Variants in CFAP96 observed in about 807,000 individuals in gnomAD.
CFAP96 encodes the protein cilia and flagella associated protein 96, also known as cilia-and flagella-associated protein 96.
chr4:185,433,473 G>A, the CFAP96 span, among the ~76,000 whole-genome samples: 2 of 150,736 alleles, frequency 1.3e-5, no homozygotes, highest in African/African-American at 2.4e-5. Context: ...TTATTAATTT[G>A]ATAGATGATA....
the CFAP96 span, among the ~76,000 whole-genome samples, chr4:185,430,075 G>C: frequency 2.6e-5 from 4 of 152,182 alleles, no homozygotes; most frequent in Non-Finnish European, 4.4e-5. Flanking sequence ...GTGCCTGGCA[G>C]TTTTCTCCCA....
chr4:185,414,474 G>GT, the CFAP96 span, among the ~76,000 whole-genome samples: 1 of 152,146 alleles, frequency 6.6e-6, no homozygotes, highest in Non-Finnish European at 1.5e-5. Flanking sequence ...TACTCCAGTG[G>GT]TTTTAAAAGA....
At chr4:185,443,923 T>C in the CFAP96 span, among the ~76,000 whole-genome samples, 2 of 1,490 alleles carry the variant, frequency 1.3e-3, no homozygotes, top group African/African-American at 2.4e-3. Context: ...ATATCTTTCT[T>C]TTTTTTTTTT....
the CFAP96 span, among the ~76,000 whole-genome samples, chr4:185,439,111 T>C: frequency 1.3e-5 from 2 of 152,190 alleles, no homozygotes; most frequent in Non-Finnish European, 2.9e-5. Flanking sequence ...ATCACATGCA[T>C]GAGAATCACT....
chr4:185,422,480 C>A, the CFAP96 span: 1 of 1,603,700 alleles, frequency 6.2e-7, no homozygotes. Context: ...TTTCAGAAGA[C>A]CTACCATTAG....
the CFAP96 span, chr4:185,429,422 A>G: frequency 6.5e-7 from 1 of 1,534,018 alleles, no homozygotes. Context: ...ATGCCTGCGG[A>G]AGGAGGAAAA....
chr4:185,428,383 G>C, the CFAP96 span, among the ~76,000 whole-genome samples: 5 of 152,048 alleles, frequency 3.3e-5, no homozygotes, highest in Non-Finnish European at 1.5e-5. Context: ...AGACCAGCCT[G>C]GCCAACATAG....
chr4:185,428,104 G>T, the CFAP96 span, among the ~76,000 whole-genome samples: 2 of 149,656 alleles, frequency 1.3e-5, no homozygotes, highest in South Asian at 2.1e-4. Context: ...AAAAAAAAAT[G>T]GTTCTTACTT....
the CFAP96 span, chr4:185,432,087 T>C: frequency 6.4e-7 from 1 of 1,551,704 alleles, no homozygotes. Flanking sequence ...TTTGTAAGGA[T>C]TTTTGAAGGT....
chr4:185,421,122 GCTGA>G, the CFAP96 span, among the ~76,000 whole-genome samples: 863 of 152,300 alleles, frequency 5.7e-3, 10 homozygotes, highest in African/African-American at 0.02. Flanking sequence ...TACCTAGAAA[GCTGA>G]CTGATGCCTG....
the CFAP96 span, among the ~76,000 whole-genome samples, chr4:185,443,342 A>ATATTTTTTTTTTTTTT: frequency 7.5e-5 from 2 of 26,724 alleles, no homozygotes; most frequent in Admixed American, 5.2e-4. Context: ...ATATATATAT[A>ATATTTTTTTTTTTTTT]TTTTTTTTTT....
At chr4:185,429,656 A>G in the CFAP96 span, 7 of 581,536 alleles carry the variant, frequency 1.2e-5, no homozygotes, top group South Asian at 2.2e-5. Flanking sequence ...TAAAATTTCA[A>G]TGAAGTTAAG....
At chr4:185,437,911 A>G in the CFAP96 span, among the ~76,000 whole-genome samples, 7 of 152,022 alleles carry the variant, frequency 4.6e-5, no homozygotes, top group South Asian at 4.1e-4. Context: ...AGGTTACTCC[A>G]CTGTCTTCCT....
At chr4:185,425,881 G>C in the CFAP96 span, 1 of 1,601,192 alleles carries the variant, frequency 6.2e-7, no homozygotes, top group South Asian at 1.1e-5. Flanking sequence ...CCGCGACGTG[G>C]CGGTGACACG....
chr4:185,440,689 T>A, the CFAP96 span: 1 of 1,491,136 alleles, frequency 6.7e-7, no homozygotes, highest in Middle Eastern at 1.7e-4. Context: ...CAATTTCAAA[T>A]ACTTTTAAAC....
chr4:185,433,954 C>T, the CFAP96 span, among the ~76,000 whole-genome samples: 1 of 151,918 alleles, frequency 6.6e-6, no homozygotes. Flanking sequence ...TGCAGTGGCT[C>T]ATGCCTGTGA....
chr4:185,445,621 G>A, the CFAP96 span: 4 of 937,504 alleles, frequency 4.3e-6, no homozygotes, highest in South Asian at 1.7e-5. Flanking sequence ...ATATTATCAA[G>A]GTATCTTAAA....
chr4:185,432,327 T>C, the CFAP96 span: 1 of 694,734 alleles, frequency 1.4e-6, no homozygotes, highest in South Asian at 2.0e-5. Context: ...TAGTTTGTCT[T>C]AGGTGGAGAT....
At chr4:185,429,334 G>T in the CFAP96 span, 2 of 715,326 alleles carry the variant, frequency 2.8e-6, no homozygotes, top group Non-Finnish European at 2.2e-6. Flanking sequence ...TGTAAAGTAG[G>T]ACTTTGCTAT....
Sources: gnomAD v4.1 joint callset for allele counts (sites outside exome capture counted in the v4.1 genomes callset) on GRCh38, gnomAD v4.1.1 for gene constraint, MANE v1.5 for transcripts, NCBI Gene and HGNC (gene_info 2026-07-23, HGNC 2026-07-21) for gene names.